IRS1: variants seen among roughly 807,000 people sequenced by gnomAD.
The protein encoded by IRS1 is insulin receptor substrate 1.
In IRS1, 34 loss-of-function variants were observed where a neutral mutation model predicts 65.6. That is an observed-to-expected ratio of 0.52 (90% CI 0.39 to 0.69). The LOEUF is 0.69. Ranked by LOEUF, IRS1 falls within the 30% of genes least tolerant of loss-of-function variation. IRS1 has a pLI of 0.00. For synonymous variants in IRS1, 699 were observed against 683.5 expected (o/e 1.02, Z -0.35); for missense variants, 1,641 against 1,720.2 (o/e 0.95, Z 0.81).
chr2:226,779,423 C>CA (rs1381471875), intron 1 of IRS1, among the ~76,000 whole-genome samples: 1 of 152,170 alleles, frequency 6.6e-6, no homozygotes, highest in Non-Finnish European at 1.5e-5. Context: ...CAGTATCTAC[C>CA]AAATGCCAGA....
rs61734194 is a variant in IRS1 at position 226,798,607 on chromosome 2, G to T, written c.132C>A (p.Leu44=). The T allele has an allele frequency of 6.2e-7, 1 of 1,613,254 alleles. No individual in the cohort carries two copies. The highest frequency in any genetic ancestry group is 1.7e-5 in the Admixed American group (1 of 60,026). Residue 44 remains leucine (L), a synonymous_variant, in exon 1 of 2, where the codon CTC becomes CTA. Transcript: ENST00000305123. This position sits in a 1 kb window ranked among gnomAD's most constrained non-coding sequence, Gnocchi z 9.4. The part of the protein sequence containing the change: ...AASEAGGPAR[L]EYYENEKKWR... ...ACTTCTTCTCGTTCTCGTAGTACTC[G>T]AGGCGCGCCGGGCCCCCAGCCTCGC...
chr2:226,771,002 G>A (rs1939152977), intron 1 of IRS1, among the ~76,000 whole-genome samples: 1 of 152,172 alleles, frequency 6.6e-6, no homozygotes, highest in African/African-American at 2.4e-5. Context: ...CTGGGCATCA[G>A]AGTGAGACCC....
intron 1 of IRS1, among the ~76,000 whole-genome samples, chr2:226,741,864 C>A (rs76824666): frequency 0.054 from 8,146 of 150,660 alleles, 386 homozygotes; most frequent in East Asian, 0.19. Context: ...GTCTCAAATA[C>A]CTTTATAGTT....
intron 1 of IRS1, among the ~76,000 whole-genome samples, chr2:226,763,931 CACTT>C (rs1337117527): frequency 6.6e-6 from 1 of 152,084 alleles, no homozygotes; most frequent in Non-Finnish European, 1.5e-5. Context: ...TTGGGCCAAT[CACTT>C]AGTAATCAGA....
At position 226,797,512 on chromosome 2, in the gene IRS1, T is replaced by C. The variant is rs1335403554; in HGVS notation, c.1227A>G (p.Pro409=). 6.2e-7 allele frequency: 1 copy of C among 1,612,460 alleles called. No homozygotes were observed. Among genetic ancestry groups the C allele is most frequent in the Non-Finnish European group, 8.5e-7 (1 of 1,179,764 alleles). The change falls in exon 1 of 2, where the codon CCA becomes CCG. Residue 409 remains proline (P), a synonymous_variant. Transcript: ENST00000305123. This position sits in a 1 kb window ranked among gnomAD's most constrained non-coding sequence, Gnocchi z 8.1. ...CAGACACCGAAGCACTAGATCGCCG[T>C]GGGAAGAGACAATCCGAGGTGGAGC... ...GHGSTSDCLF[P]RRSSASVSGS... is the part of the protein sequence containing the mutation.
chr2:226,796,249 T>C lies in IRS1; in HGVS notation c.2490A>G (p.Pro830=). 6.2e-7 allele frequency: 1 copy of C among 1,613,438 alleles called. No homozygotes were observed. Among genetic ancestry groups the C allele is most frequent in the Non-Finnish European group, 8.5e-7 (1 of 1,179,948 alleles). Residue 830 remains proline (P), a synonymous_variant, in exon 1 of 2, where the codon CCA becomes CCG. Coordinates refer to ENST00000305123, the MANE Select transcript of IRS1 (RefSeq NM_005544.3). ...GCTGCAGAACCTGATGGTGGGGATG[T>C]GGAAGGCTGGGCTCCAGCCTAGCCC... ...YCGARLEPSL[P]HPHHQVLQPH... is the part of the protein sequence containing the mutation.
chr2:226,799,156 G>GCC lies in IRS1; in HGVS notation c.-420_-419dup. ...CCTCCAGGAGCGCGCGCGCGCGCGC[G>GCC]CCTTCCCTCCTGAGTTCCCCTCTGG... is the stretch of plus-strand genomic sequence containing the variant. On this transcript the variant is annotated 5_prime_UTR_variant, in exon 1 of 2. An upstream open reading frame in the 5' UTR loses its in-frame stop. Coordinates refer to ENST00000305123, the MANE Select transcript of IRS1 (RefSeq NM_005544.3). The surrounding 1 kb of genome is among the most constrained non-coding windows in gnomAD (Gnocchi z 6.1). The GCC allele has an allele frequency of 3.6e-6, 4 of 1,098,708 alleles. No individual in the cohort carries two copies. Among genetic ancestry groups the GCC allele is most frequent in the Non-Finnish European group, 4.5e-6 (4 of 889,528 alleles). The allele number at this position is 1,098,708 out of a possible 1,614,324, so 68.1% of individuals were successfully genotyped here. A position where few individuals can be genotyped will look rare whatever the true frequency, so the allele number is the denominator to read the frequency against.
chr2:226,774,112 C>T (rs1939219875), intron 1 of IRS1, among the ~76,000 whole-genome samples: 1 of 152,114 alleles, frequency 6.6e-6, no homozygotes, highest in Non-Finnish European at 1.5e-5. Context: ...CCGGAAAGCA[C>T]AACAGCCAAG....
In IRS1 at chr2:226,799,387, T is replaced by TGCTGCCGCC; in HGVS notation, c.-658_-650dup. The TGCTGCCGCC allele has an allele frequency of 7.9e-7, 1 of 1,262,508 alleles. No homozygotes were observed. Among genetic ancestry groups the TGCTGCCGCC allele is most frequent in the Non-Finnish European group, 1.0e-6 (1 of 970,770 alleles). The allele number at this position is 1,262,508 out of a possible 1,614,324, so 78.2% of individuals were successfully genotyped here. A position where few individuals can be genotyped will look rare whatever the true frequency, so the allele number is the denominator to read the frequency against. On this transcript the variant is annotated 5_prime_UTR_variant, in exon 1 of 2. Transcript: ENST00000305123. This position sits in a 1 kb window ranked among gnomAD's most constrained non-coding sequence, Gnocchi z 6.1. Reference sequence around the variant, plus strand: ...CTGTTGCTGCTGCTGCTGCTGCTGCTGCTGCCGCCGCCCGCGGGCGCGTCC... The same window carrying TGCTGCCGCC: ...CTGTTGCTGCTGCTGCTGCTGCTGCTGCTGCCGCCGCTGCCGCCGCCCGCGGGCGCGTCC...
Position 226,796,123 on chromosome 2 carries a change from A to T in IRS1, c.2616T>A (p.Pro872=). ...SLGDPKASTL[P]RAREQQQQQQ... ...GCTGCTGCTGCTGCTCTCGGGCCCGAGGTAAGGTGCTGGCCTTGGGATCCC... is the reference window on the plus strand; with the variant it reads ...GCTGCTGCTGCTGCTCTCGGGCCCGTGGTAAGGTGCTGGCCTTGGGATCCC... The change falls in exon 1 of 2, where the codon CCT becomes CCA. Residue 872 remains proline, a synonymous_variant. Transcript: ENST00000305123. The T allele has an allele frequency of 6.2e-7, 1 of 1,613,318 alleles. No homozygotes were observed. The highest frequency in any genetic ancestry group is 8.5e-7 in the Non-Finnish European group (1 of 1,179,924).
chr2:226,780,748 T>TACAA (rs3054795), intron 1 of IRS1, among the ~76,000 whole-genome samples: 20,711 of 152,162 alleles, frequency 0.14, 1,810 homozygotes, highest in East Asian at 0.25. Context: ...CATACCAGAT[T>TACAA]ACAGTCTTGT....
chr2:226,737,757 C>T (rs1217011084), intron 1 of IRS1, among the ~76,000 whole-genome samples: 1 of 152,096 alleles, frequency 6.6e-6, no homozygotes, highest in Non-Finnish European at 1.5e-5. Context: ...CACTGACACA[C>T]CTGGCTTGGT....
chr2:226,748,415 CGA>C (rs1938600646), intron 1 of IRS1, among the ~76,000 whole-genome samples: 2 of 126,178 alleles, frequency 1.6e-5, no homozygotes. Context: ...GGAAACAGAG[CGA>C]GACTCTGTCT....
chr2:226,785,646 T>C (rs953583252), intron 1 of IRS1, among the ~76,000 whole-genome samples: 3 of 152,182 alleles, frequency 2.0e-5, no homozygotes, highest in Non-Finnish European at 4.4e-5. Flanking sequence ...AAGACACATT[T>C]CTTAATTTGA....
chr2:226,795,851 C>T lies in IRS1; in HGVS notation c.2888G>A (p.Gly963Asp), dbSNP rs1354419120. 4 of 1,613,422 alleles carry T rather than the reference C, an allele frequency of 2.5e-6. No homozygotes were observed. The highest frequency in any genetic ancestry group is 1.7e-5 in the Admixed American group (1 of 60,028). Residue 963 changes from glycine (G) to aspartate (D), a missense_variant, in exon 1 of 2, where the codon GGC becomes GAC. Transcript: ENST00000305123. Reference sequence around the variant, plus strand: ...CCCGGGAGGTGCAGGGCCCAGTCTGCCCATCTCGACCCCAGTGCTCTCCTG... The same window carrying T: ...CCCGGGAGGTGCAGGGCCCAGTCTGTCCATCTCGACCCCAGTGCTCTCCTG... ...AWQESTGVEMGRLGPAPPGAA... is the reference protein window; with the variant it reads ...AWQESTGVEMDRLGPAPPGAA...
intron 1 of IRS1, among the ~76,000 whole-genome samples, chr2:226,792,811 TTCTG>T (rs1939636793): frequency 1.3e-5 from 2 of 152,292 alleles, no homozygotes; most frequent in Middle Eastern, 3.4e-3. Context: ...CAGGTCTGAC[TTCTG>T]TCTGTTTCAG....
Position 226,799,355 on chromosome 2 carries a change from G to A in IRS1, c.-617C>T. 7.9e-7 allele frequency: 1 copy of A among 1,259,188 alleles called. No individual in the cohort carries two copies. 78.0% of individuals were successfully genotyped at this position (1,259,188 alleles called of 1,614,324 possible). On this transcript the variant is annotated 5_prime_UTR_variant, in exon 1 of 2. Coordinates refer to ENST00000305123, the MANE Select transcript of IRS1 (RefSeq NM_005544.3). The surrounding 1 kb of genome is among the most constrained non-coding windows in gnomAD (Gnocchi z 6.1). ...CAGTCGCAGAGACCGCGGCGCTGCGGCTGTTGCTGTTGCTGCTGCTGCTGC... is the reference window on the plus strand; with the variant it reads ...CAGTCGCAGAGACCGCGGCGCTGCGACTGTTGCTGTTGCTGCTGCTGCTGC...
rs573200584 is a variant in IRS1 at position 226,731,772 on chromosome 2, G to T, written c.*4500C>A. 2 of 151,898 alleles carry T rather than the reference G, an allele frequency of 1.3e-5. No homozygotes were observed. The highest frequency in any genetic ancestry group is 3.9e-4 in the East Asian group (2 of 5,192). 9.4% of individuals were successfully genotyped at this position (151,898 alleles called of 1,614,324 possible). A position where few individuals can be genotyped will look rare whatever the true frequency, so the allele number is the denominator to read the frequency against. On this transcript the variant is annotated 3_prime_UTR_variant, in exon 2 of 2. Coordinates refer to ENST00000305123, the MANE Select transcript of IRS1 (RefSeq NM_005544.3). ...CCTGTAGCCAAGAGGTGTAAGGAAA[G>T]TACTTTGCAAGAAAAAATTGTTTTG...
At chr2:226,741,830 A>ACACACAC (rs1559146753) in intron 1 of IRS1, among the ~76,000 whole-genome samples, 5 of 84,228 alleles carry the variant, frequency 5.9e-5, no homozygotes, top group African/African-American at 2.1e-4. Context: ...CACACACATA[A>ACACACAC]CACACACACA....
Sources: allele counts gnomAD v4.1 joint callset (sites outside exome capture counted in the v4.1 genomes callset), GRCh38; gene constraint gnomAD v4.1.1; non-coding constraint Gnocchi (gnomAD v3.1); transcripts MANE v1.5; gene names NCBI Gene and HGNC (gene_info 2026-07-23, HGNC 2026-07-21).